The following LMNA variants were observed in gnomAD, a reference collection of about 807,000 sequenced individuals.
LMNA encodes lamin A/C, also known as lamin.
In LMNA, 20 loss-of-function variants were observed where a neutral mutation model predicts 70.4. That is an observed-to-expected ratio of 0.28 (90% CI 0.20 to 0.41). LMNA has a LOEUF of 0.41. Ranked by LOEUF, LMNA falls within the 10% of genes least tolerant of loss-of-function variation. The pLI, the probability that LMNA is intolerant of heterozygous loss-of-function variation, is 1.00. For missense variants in LMNA, 652 were observed against 917.2 expected (o/e 0.71, Z 3.73); for synonymous variants, 339 against 372.8 (o/e 0.91, Z 1.04).
At chr1:156,112,902 G>A (rs922916891), upstream of LMNA, among the ~76,000 whole-genome samples, 1 of 152,168 alleles carries the variant, frequency 6.6e-6, no homozygotes, top group Non-Finnish European at 1.5e-5. Flanking sequence ...AACATAATTT[G>A]ATTTCCCTGG....
At chr1:156,125,625 G>A (rs1184961863) in intron 1 of LMNA, among the ~76,000 whole-genome samples, 1 of 152,080 alleles carries the variant, frequency 6.6e-6, no homozygotes, top group Non-Finnish European at 1.5e-5. Flanking sequence ...GGAGGTGGAG[G>A]TTGCAGGGAG....
At chr1:156,121,717 G>A (rs1267978639) in intron 1 of LMNA, among the ~76,000 whole-genome samples, 1 of 151,426 alleles carries the variant, frequency 6.6e-6, no homozygotes, top group Non-Finnish European at 1.5e-5. Context: ...AGCTGCAGCA[G>A]CCAAGACCAA....
At chr1:156,117,079 ATT>A (rs150049994) in intron 1 of LMNA, among the ~76,000 whole-genome samples, 8,216 of 112,616 alleles carry the variant, frequency 0.073, 492 homozygotes, top group African/African-American at 0.19. Context: ...ACACATGGCT[ATT>A]TTTTTTTTTT....
At chr1:156,088,164 C>T (rs1211806032) in intron 2 of LMNA, among the ~76,000 whole-genome samples, 1 of 152,164 alleles carries the variant, frequency 6.6e-6, no homozygotes, top group African/African-American at 2.4e-5. Context: ...GCCACCAGCC[C>T]GGCCCCAGCC....
In LMNA at chr1:156,138,092, C is replaced by A; in HGVS notation, c.1698+349C>A. 1 of 527,414 alleles carries A rather than the reference C, an allele frequency of 1.9e-6. No homozygotes were observed. The allele number at this position is 527,414 out of a possible 1,614,324, so 32.7% of individuals were successfully genotyped here. A position where few individuals can be genotyped will look rare whatever the true frequency, so the allele number is the denominator to read the frequency against. On this transcript the variant is annotated intron_variant, in intron 10 of 11. Transcript: ENST00000368300. This position sits in a 1 kb window ranked among gnomAD's most constrained non-coding sequence, Gnocchi z 5.5. ...CTCTCTCCCCCATTCTTGTTGCATGCATATCCTCTCATTTCCCTCATTTTT... is the reference window on the plus strand; with the variant it reads ...CTCTCTCCCCCATTCTTGTTGCATGAATATCCTCTCATTTCCCTCATTTTT...
intron 2 of LMNA, among the ~76,000 whole-genome samples, chr1:156,131,945 G>A (rs1406914087): frequency 6.6e-6 from 1 of 152,170 alleles, no homozygotes; most frequent in African/African-American, 2.4e-5. Flanking sequence ...CAAGGCGGGT[G>A]GATCATTTGA....
intron 3 of LMNA, among the ~76,000 whole-genome samples, chr1:156,102,306 G>A (rs1271439994): frequency 6.6e-6 from 1 of 152,172 alleles, no homozygotes; most frequent in Non-Finnish European, 1.5e-5. Context: ...TGGATTCTGA[G>A]TAAGAGGCCA....
chr1:156,136,373 C>T lies in LMNA; in HGVS notation c.1317C>T (p.Arg439=), dbSNP rs374804871. 21 of 1,611,730 alleles carry T rather than the reference C, an allele frequency of 1.3e-5. No homozygotes were observed. Among genetic ancestry groups the T allele is most frequent in the East Asian group, 2.2e-5 (1 of 44,886 alleles). ...CACAGCACGCACGCACTAGCGGGCG[C>T]GTGGCCGTGGAGGAGGTGGATGAGG... ...SFSQHARTSG[R]VAVEEVDEEG... The change falls in exon 7 of 12, where the codon CGC becomes CGT. Residue 439 remains arginine, a synonymous_variant. Coordinates refer to ENST00000368300, the MANE Select transcript of LMNA (RefSeq NM_170707.4). This position sits in a 1 kb window ranked among gnomAD's most constrained non-coding sequence, Gnocchi z 6.1.
At chr1:156,086,198 T>C (rs1351828757) in intron 2 of LMNA, among the ~76,000 whole-genome samples, 1 of 152,242 alleles carries the variant, frequency 6.6e-6, no homozygotes, top group African/African-American at 2.4e-5. Flanking sequence ...CATTCATTCG[T>C]TCATTCATTC....
chr1:156,105,696 A>G (rs894200963), intron 3 of LMNA, among the ~76,000 whole-genome samples: 1 of 152,174 alleles, frequency 6.6e-6, no homozygotes, highest in African/African-American at 2.4e-5. Flanking sequence ...AGCCCTGCCA[A>G]ACTTTCCACA....
chr1:156,121,076 G>A (rs1411888560), intron 1 of LMNA, among the ~76,000 whole-genome samples: 1 of 115,728 alleles, frequency 8.6e-6, no homozygotes, highest in Non-Finnish European at 1.7e-5. Flanking sequence ...TTTTTTGACA[G>A]TCTCGCTCCC....
chr1:156,129,190 A>G (rs1161471890), intron 1 of LMNA, among the ~76,000 whole-genome samples: 1 of 152,234 alleles, frequency 6.6e-6, no homozygotes, highest in Non-Finnish European at 1.5e-5. Flanking sequence ...AGGTGTGGCC[A>G]GAGGCCTGGA....
At chr1:156,090,558 G>A (rs1648658041) in exon 3 of LMNA, 1 of 152,330 alleles carries the variant, frequency 6.6e-6, no homozygotes, top group East Asian at 1.9e-4. Context: ...GAGAGGCTAA[G>A]TAACTTTCCT....
rs1447162147 is a variant in LMNA at position 156,134,675 on chromosome 1, C to T, written c.640-130C>T. 1.9e-6 allele frequency: 3 copies of T among 1,545,112 alleles called. No homozygotes were observed. Among genetic ancestry groups the T allele is most frequent in the Non-Finnish European group, 2.7e-6 (3 of 1,121,418 alleles). On this transcript the variant is annotated intron_variant, in intron 3 of 11. Transcript: ENST00000368300. The surrounding 1 kb of genome is among the most constrained non-coding windows in gnomAD (Gnocchi z 5.3). ...GGAGTTGGGGGTGGCCAGCACTCAG[C>T]TCCCAGGTTAAAGTGGGGCTGGTAG...
chr1:156,098,742 A>G (rs1447744821), intron 3 of LMNA, among the ~76,000 whole-genome samples: 1 of 152,152 alleles, frequency 6.6e-6, no homozygotes, highest in Non-Finnish European at 1.5e-5. Flanking sequence ...GTCAGTTGTC[A>G]GGGAAGGCAA....
chr1:156,127,503 CTTACTGTTTT>C, intron 1 of LMNA, among the ~76,000 whole-genome samples: 1 of 147,696 alleles, frequency 6.8e-6, no homozygotes, highest in Non-Finnish European at 1.5e-5. Context: ...AAATAACCCC[CTTACTGTTTT>C]TTTTTTTTTT....
intron 3 of LMNA, among the ~76,000 whole-genome samples, chr1:156,097,129 T>C (rs1411710450): frequency 6.6e-6 from 1 of 152,078 alleles, no homozygotes; most frequent in African/African-American, 2.4e-5. Flanking sequence ...AGCTGAGATC[T>C]AGGAACCAGA....
intron 3 of LMNA, among the ~76,000 whole-genome samples, chr1:156,092,810 C>T (rs539718448): frequency 1.3e-5 from 2 of 152,108 alleles, no homozygotes; most frequent in African/African-American, 4.8e-5. Flanking sequence ...TCCTGCCCAC[C>T]TCTCCAGCCC....
intron 1 of LMNA, chr1:156,126,502 G>T: frequency 1.5e-6 from 1 of 672,986 alleles, no homozygotes; most frequent in South Asian, 1.6e-5. Context: ...GTGGGTCAGC[G>T]CCTGGCCCGG....
Sources: allele counts gnomAD v4.1 joint callset (sites outside exome capture counted in the v4.1 genomes callset), GRCh38; gene constraint gnomAD v4.1.1; non-coding constraint Gnocchi (gnomAD v3.1); transcripts MANE v1.5; gene names NCBI Gene and HGNC (gene_info 2026-07-23, HGNC 2026-07-21).